PGM3: variants seen among roughly 807,000 people sequenced by gnomAD.
PGM3 encodes phosphoacetylglucosamine mutase.
PGM3 carries 40 observed loss-of-function variants against 66.2 expected under a neutral mutation model. The ratio of observed to expected loss-of-function variants is 0.60; its 90% CI spans 0.47 to 0.79. The LOEUF is 0.79. Ranked by LOEUF, PGM3 falls within the 30% of genes least tolerant of loss-of-function variation. The pLI, the probability that PGM3 is intolerant of heterozygous loss-of-function variation, is 0.00. For missense variants in PGM3, 537 were observed against 643.4 expected, an observed-to-expected ratio of 0.83 and a Z score of 1.79; for synonymous variants, 191 against 224.2, an observed-to-expected ratio of 0.85 and a Z score of 1.32.
At chr6:83,184,964 T>C (rs1161194525) in intron 4 of PGM3, among the ~76,000 whole-genome samples, 1 of 152,226 alleles carries the variant, frequency 6.6e-6, no homozygotes, top group African/African-American at 2.4e-5. Flanking sequence ...ATTAACCTTT[T>C]TTCATTTACT....
chr6:83,152,222 A>T, the PGM3 span: 1 of 899,836 alleles, frequency 1.1e-6, no homozygotes, highest in South Asian at 1.7e-5. Flanking sequence ...ACACACACAC[A>T]CACACACACA....
At chr6:83,152,365 G>A in the PGM3 span, 1 of 1,476,972 alleles carries the variant, frequency 6.8e-7, no homozygotes, top group Non-Finnish European at 9.0e-7. Context: ...ATTACTCTCT[G>A]AGGTAAATAT....
intron 7 of PGM3, 149 bp from the exon 8 acceptor site, chr6:83,178,905 T>A: frequency 1.6e-6 from 1 of 626,528 alleles, no homozygotes; most frequent in South Asian, 1.9e-5. Context: ...AATTTACATG[T>A]ATGCCAGGAA....
chr6:83,183,890 A>C (rs1788384577), intron 4 of PGM3, among the ~76,000 whole-genome samples: 1 of 151,830 alleles, frequency 6.6e-6, no homozygotes, highest in Non-Finnish European at 1.5e-5. Context: ...TAATTTTTGT[A>C]TTTTTAGTAG....
At chr6:83,160,039 A>C, downstream of PGM3, 7 of 1,418,960 alleles carry the variant, frequency 4.9e-6, no homozygotes, top group Non-Finnish European at 5.8e-6. Flanking sequence ...GACTAATTAA[A>C]AAGTTTTTTG....
the PGM3 span, among the ~76,000 whole-genome samples, chr6:83,155,520 A>G: frequency 6.6e-6 from 1 of 152,082 alleles, no homozygotes; most frequent in South Asian, 2.1e-4. Context: ...TGGTGCACTG[A>G]GAGAATGACA....
rs1415351761 is a variant in PGM3 at position 83,167,725 on chromosome 6, ATCAGG to A, written c.*1504_*1508del. ...GGTCTCAGAAGCACCAAGGGTTTTG[ATCAGG>A]TCAGGAGTTAGAAACTTAATGTCAT... On this transcript the variant is annotated 3_prime_UTR_variant, in exon 13 of 13. Coordinates refer to ENST00000513973, the MANE Select transcript of PGM3 (RefSeq NM_015599.3). The A allele has an allele frequency of 2.8e-6, 4 of 1,416,610 alleles. No individual in the cohort carries two copies. The African/African-American group carries it at 4.3e-5, about 15-fold the overall frequency. 87.8% of individuals were successfully genotyped at this position (1,416,610 alleles called of 1,614,324 possible).
Position 83,169,030 on chromosome 6 carries a change from G to C in PGM3, c.*204C>G, listed in dbSNP as rs1583238315. On this transcript the variant is annotated 3_prime_UTR_variant, in exon 13 of 13. Coordinates refer to ENST00000513973, the MANE Select transcript of PGM3 (RefSeq NM_015599.3). Reference sequence around the variant, plus strand: ...TTTTACATTAGTGAGACTGAAATTAGAGGTAAATTTCTTTAACAAGTGTAA... The same window carrying C: ...TTTTACATTAGTGAGACTGAAATTACAGGTAAATTTCTTTAACAAGTGTAA... The C allele has an allele frequency of 7.3e-7, 1 of 1,362,694 alleles. No homozygotes were observed. Among genetic ancestry groups the C allele is most frequent in the Non-Finnish European group, 9.5e-7 (1 of 1,057,610 alleles). The allele number at this position is 1,362,694 out of a possible 1,614,324, so 84.4% of individuals were successfully genotyped here. A position where few individuals can be genotyped will look rare whatever the true frequency, so the allele number is the denominator to read the frequency against.
At chr6:83,164,718 A>C, downstream of PGM3, 1 of 1,589,784 alleles carries the variant, frequency 6.3e-7, no homozygotes, top group Non-Finnish European at 8.6e-7. Context: ...GCCAAGCATC[A>C]GGTGAGGGTG....
chr6:83,173,881 T>C (rs564027992), intron 10 of PGM3, among the ~76,000 whole-genome samples: 6 of 152,056 alleles, frequency 3.9e-5, no homozygotes, highest in South Asian at 2.1e-4. Flanking sequence ...GGACTACAGG[T>C]GCCCGCCACC....
chr6:83,164,715 A>C, downstream of PGM3: 4 of 1,591,004 alleles, frequency 2.5e-6, no homozygotes, highest in Non-Finnish European at 3.4e-6. Context: ...ATGGCCAAGC[A>C]TCAGGTGAGG....
Position 83,188,629 on chromosome 6 carries a change from AT to A in PGM3, c.373del (p.Ile125LeufsTer16). ...TTATCATCACCTGGTATCTCTACCA[AT>A]AACTACAAAGGCATCTTGTTGCAGA... Reference protein sequence around the residue: ...VNLQQDAFVVIGRDTRPSSEK... With the variant: ...VNLQQDAFVVXGRDTRPSSEK... On this transcript the variant is annotated frameshift_variant, in exon 3 of 13. Coordinates refer to ENST00000513973, the MANE Select transcript of PGM3 (RefSeq NM_015599.3). LOFTEE classifies it high-confidence loss of function. 1 of 1,613,498 alleles carries A rather than the reference AT, an allele frequency of 6.2e-7. No homozygotes were observed. Among genetic ancestry groups the A allele is most frequent in the Non-Finnish European group, 8.5e-7 (1 of 1,179,536 alleles).
chr6:83,162,752 C>A, downstream of PGM3: 3 of 1,567,862 alleles, frequency 1.9e-6, no homozygotes, highest in South Asian at 1.2e-5. Context: ...GGCACAAAGT[C>A]TGTCTTACTG....
At chr6:83,175,505 T>G (rs1291430127) in intron 9 of PGM3, among the ~76,000 whole-genome samples, 1 of 152,192 alleles carries the variant, frequency 6.6e-6, no homozygotes, top group Non-Finnish European at 1.5e-5. Flanking sequence ...TACAAAAAAC[T>G]AAATTATACA....
intron 4 of PGM3, among the ~76,000 whole-genome samples, chr6:83,186,781 C>T (rs1369175786): frequency 7.0e-6 from 1 of 143,774 alleles, no homozygotes; most frequent in African/African-American, 2.6e-5. Flanking sequence ...TCAGAATTTC[C>T]CAGCTATAAT....
intron 6 of PGM3, among the ~76,000 whole-genome samples, chr6:83,181,488 A>T (rs1295102518): frequency 6.6e-6 from 1 of 152,184 alleles, no homozygotes; most frequent in Non-Finnish European, 1.5e-5. Flanking sequence ...CTGCTCTAGA[A>T]TGCCATTTCC....
chr6:83,178,798 G>C, intron 7 of PGM3, 42 bp from the exon 8 acceptor site: 1 of 1,125,726 alleles, frequency 8.9e-7, no homozygotes, highest in Non-Finnish European at 1.4e-6. Flanking sequence ...TCAAAAGTAT[G>C]GTCTACAAAA....
intron 3 of PGM3, among the ~76,000 whole-genome samples, chr6:83,187,925 C>A (rs1009149111): frequency 1.3e-5 from 2 of 152,178 alleles, no homozygotes; most frequent in African/African-American, 4.8e-5. Context: ...TAATTTACTT[C>A]AGAACATAAG....
chr6:83,156,199 C>G, downstream of PGM3: 1 of 970,632 alleles, frequency 1.0e-6, no homozygotes, highest in Non-Finnish European at 1.5e-6. Context: ...TAAAATATAT[C>G]AAGTGTAGAT....
Sources: allele counts gnomAD v4.1 joint callset (sites outside exome capture counted in the v4.1 genomes callset), GRCh38; gene constraint gnomAD v4.1.1; transcripts MANE v1.5; gene names NCBI Gene and HGNC (gene_info 2026-07-23, HGNC 2026-07-21).